Variants in TRAM2 observed in about 807,000 individuals in gnomAD.
TRAM2 encodes translocating chain-associated membrane protein 2.
A neutral mutation model predicts 51.0 loss-of-function variants in TRAM2; 12 were observed. That is an observed-to-expected ratio of 0.24 (90% confidence interval 0.15 to 0.38). The LOEUF is 0.38. TRAM2 is among the 10% of genes least tolerant of loss of function. The pLI, the probability that TRAM2 is intolerant of heterozygous loss-of-function variation, is 1.00. For missense variants in TRAM2, 361 were observed against 462.0 expected (o/e 0.78, Z 2.00); for synonymous variants, 175 against 179.4 (o/e 0.98, Z 0.20).
chr6:52,517,722 G>A (rs1214448152), intron 2 of TRAM2, among the ~76,000 whole-genome samples: 2 of 152,308 alleles, frequency 1.3e-5, no homozygotes, highest in South Asian at 2.1e-4. Context: ...TGCTGCATTC[G>A]CTCTGAGTCA....
At chr6:52,516,260 T>G (rs1218630824) in intron 3 of TRAM2, 138 bp from the exon 4 acceptor site, 6 of 794,342 alleles carry the variant, frequency 7.6e-6, no homozygotes, top group Non-Finnish European at 1.2e-5. Flanking sequence ...AGTCATTTGG[T>G]GTAAGCCTAC....
chr6:52,561,921 T>C (rs1225364548), intron 1 of TRAM2, among the ~76,000 whole-genome samples: 1 of 152,178 alleles, frequency 6.6e-6, no homozygotes, highest in Non-Finnish European at 1.5e-5. Context: ...AGGTTTCTTT[T>C]GAAGATGATG....
chr6:52,537,993 C>G (rs1767005401), intron 1 of TRAM2, among the ~76,000 whole-genome samples: 1 of 152,224 alleles, frequency 6.6e-6, no homozygotes, highest in Admixed American at 6.5e-5. Context: ...CCTGCCCACG[C>G]TAGCCATGTT....
intron 4 of TRAM2, among the ~76,000 whole-genome samples, chr6:52,513,008 C>A (rs192265073): frequency 2.6e-5 from 4 of 152,172 alleles, no homozygotes; most frequent in African/African-American, 7.2e-5. Context: ...GAAGACCAAA[C>A]GCCCACCCAT....
At chr6:52,563,563 C>T (rs1224601247) in intron 1 of TRAM2, among the ~76,000 whole-genome samples, 2 of 151,648 alleles carry the variant, frequency 1.3e-5, no homozygotes, top group Non-Finnish European at 2.9e-5. Flanking sequence ...ACTAAAAATA[C>T]AAAAAATTAG....
intron 1 of TRAM2, among the ~76,000 whole-genome samples, chr6:52,576,580 C>T (rs1326618721): frequency 6.6e-6 from 1 of 152,216 alleles, no homozygotes; most frequent in African/African-American, 2.4e-5. Flanking sequence ...GGCGGCAGAG[C>T]ATGGCATGGC....
chr6:52,532,194 C>T (rs1397827307), intron 2 of TRAM2, among the ~76,000 whole-genome samples: 1 of 152,226 alleles, frequency 6.6e-6, no homozygotes, highest in Non-Finnish European at 1.5e-5. Context: ...ACCCTCTGAT[C>T]ATGATCTGGC....
chr6:52,533,883 G>A (rs1257796206), intron 2 of TRAM2, among the ~76,000 whole-genome samples: 13 of 152,176 alleles, frequency 8.5e-5, no homozygotes, highest in Admixed American at 8.5e-4. Context: ...CCTGAGGTCA[G>A]GAGTACAAGA....
At chr6:52,535,924 CT>C in intron 1 of TRAM2, 78 bp from the exon 2 acceptor site, 1 of 1,218,386 alleles carries the variant, frequency 8.2e-7, no homozygotes, top group Non-Finnish European at 1.2e-6. Flanking sequence ...CTAACCGCCC[CT>C]TTTACATCTT....
At chr6:52,547,187 C>T (rs771504110) in intron 1 of TRAM2, among the ~76,000 whole-genome samples, 7 of 152,062 alleles carry the variant, frequency 4.6e-5, no homozygotes, top group Non-Finnish European at 1.0e-4. Flanking sequence ...GCTTAGACCA[C>T]GTGTGGTGAC....
intron 5 of TRAM2, among the ~76,000 whole-genome samples, chr6:52,509,149 C>G (rs1297848794): frequency 1.3e-5 from 2 of 152,190 alleles, no homozygotes; most frequent in African/African-American, 2.4e-5. Flanking sequence ...CTATATGAGG[C>G]AGAGGACACT....
intron 4 of TRAM2, among the ~76,000 whole-genome samples, chr6:52,512,592 A>G (rs1350185888): frequency 2.0e-5 from 3 of 152,148 alleles, no homozygotes; most frequent in Non-Finnish European, 4.4e-5. Flanking sequence ...AATCCCATCC[A>G]CTGACAGGCC....
chr6:52,559,354 C>G (rs1002832086), intron 1 of TRAM2, among the ~76,000 whole-genome samples: 2 of 152,210 alleles, frequency 1.3e-5, no homozygotes, highest in African/African-American at 4.8e-5. Context: ...CTTGAATTAT[C>G]TTGGCCTCCA....
chr6:52,531,631 G>A (rs1766894027), intron 2 of TRAM2, among the ~76,000 whole-genome samples: 2 of 152,296 alleles, frequency 1.3e-5, no homozygotes, highest in Admixed American at 6.5e-5. Context: ...TGAGGTGTCT[G>A]CGCCCTCACT....
At chr6:52,540,052 CT>C (rs763823039) in intron 1 of TRAM2, among the ~76,000 whole-genome samples, 5 of 151,712 alleles carry the variant, frequency 3.3e-5, no homozygotes, top group Admixed American at 6.6e-5. Flanking sequence ...CCTAGCCCCC[CT>C]GGTAGTAGCA....
chr6:52,555,110 C>G (rs540733864), intron 1 of TRAM2, among the ~76,000 whole-genome samples: 1 of 152,282 alleles, frequency 6.6e-6, no homozygotes, highest in African/African-American at 2.4e-5. Flanking sequence ...AGTCACTGTT[C>G]AAAAGGCTTC....
At chr6:52,557,628 G>T (rs1361481696) in intron 1 of TRAM2, among the ~76,000 whole-genome samples, 3 of 152,180 alleles carry the variant, frequency 2.0e-5, no homozygotes, top group Non-Finnish European at 4.4e-5. Flanking sequence ...GAGAAATGGA[G>T]AATCAGGGTG....
At chr6:52,575,049 C>T (rs549948839) in intron 1 of TRAM2, among the ~76,000 whole-genome samples, 1 of 152,218 alleles carries the variant, frequency 6.6e-6, no homozygotes. Flanking sequence ...AGCAAACAGA[C>T]AGCAGAGAAT....
intron 4 of TRAM2, 33 bp downstream of exon 4, chr6:52,515,973 T>C: frequency 5.0e-6 from 8 of 1,597,160 alleles, no homozygotes; most frequent in Non-Finnish European, 6.0e-6. Flanking sequence ...TGGTTTGAGC[T>C]CTCCCGCTTC....
Sources: allele counts gnomAD v4.1 joint callset (sites outside exome capture counted in the v4.1 genomes callset), GRCh38; gene constraint gnomAD v4.1.1; transcripts MANE v1.5; gene names NCBI Gene and HGNC (gene_info 2026-07-23, HGNC 2026-07-21).